SENP7: variants seen among roughly 807,000 people sequenced by gnomAD.
SENP7 encodes the protein SUMO specific peptidase 7.
In SENP7, 64 loss-of-function variants were observed where a neutral mutation model predicts 141.2. The ratio of observed to expected loss-of-function variants is 0.45; its 90% CI spans 0.37 to 0.56. SENP7 has a LOEUF of 0.56. SENP7 is among the 20% of genes least tolerant of loss of function. SENP7 has a pLI of 0.00. For missense variants in SENP7, 1,025 were observed against 1,212.2 expected (o/e 0.85, Z 2.29); for synonymous variants, 382 against 426.4 (o/e 0.90, Z 1.28).
chr3:101,427,362 C>G (rs2061996030), intron 4 of SENP7, among the ~76,000 whole-genome samples: 1 of 151,850 alleles, frequency 6.6e-6, no homozygotes, highest in African/African-American at 2.4e-5. Context: ...TGGTGGTGCA[C>G]ACCTTTAGTC....
intron 4 of SENP7, among the ~76,000 whole-genome samples, chr3:101,438,704 T>G (rs934824493): frequency 1.3e-5 from 2 of 152,200 alleles, no homozygotes; most frequent in African/African-American, 4.8e-5. Context: ...ATCAATAAAG[T>G]CGGTTTCAAC....
At chr3:101,483,220 T>TA (rs970621876) in intron 3 of SENP7, among the ~76,000 whole-genome samples, 3 of 151,800 alleles carry the variant, frequency 2.0e-5, no homozygotes, top group Admixed American at 6.6e-5. Context: ...TGGACTGGAT[T>TA]AAAAAAAAGT....
In SENP7 at chr3:101,513,158, C is replaced by T. The variant is rs1487560999; in HGVS notation, c.-28G>A. On this transcript the variant is annotated 5_prime_UTR_variant, in exon 1 of 24. Coordinates refer to ENST00000394095, the MANE Select transcript of SENP7 (RefSeq NM_020654.5). Reference sequence around the variant, plus strand: ...TCTCCCGCTGCTGAAATTTCAGTTGCAGGCGCTGTCACCTCAGGACCCCTC... The same window carrying T: ...TCTCCCGCTGCTGAAATTTCAGTTGTAGGCGCTGTCACCTCAGGACCCCTC... 1 of 1,445,214 alleles carries T rather than the reference C, an allele frequency of 6.9e-7. No homozygotes were observed. Among genetic ancestry groups the T allele is most frequent in the Non-Finnish European group, 9.2e-7 (1 of 1,082,584 alleles). The allele number at this position is 1,445,214 out of a possible 1,614,324, so 89.5% of individuals were successfully genotyped here. A position where few individuals can be genotyped will look rare whatever the true frequency, so the allele number is the denominator to read the frequency against.
intron 6 of SENP7, 95 bp downstream of exon 6, chr3:101,398,766 C>A (rs1272085923): frequency 3.2e-6 from 3 of 942,658 alleles, no homozygotes; most frequent in South Asian, 2.1e-5. Flanking sequence ...GCACATTTAC[C>A]TCACATTTAG....
intron 1 of SENP7, among the ~76,000 whole-genome samples, chr3:101,502,352 G>C (rs534176332): frequency 1.3e-5 from 2 of 152,178 alleles, no homozygotes; most frequent in African/African-American, 4.8e-5. Context: ...GCCCAGGCTG[G>C]AGTGCAATGG....
intron 1 of SENP7, among the ~76,000 whole-genome samples, chr3:101,505,506 A>C (rs2065565357): frequency 6.6e-6 from 1 of 152,052 alleles, no homozygotes; most frequent in South Asian, 2.1e-4. Flanking sequence ...GAATTCCCAA[A>C]TATTTATGTT....
chr3:101,412,090 A>C (rs2061472526), intron 5 of SENP7, among the ~76,000 whole-genome samples: 1 of 152,166 alleles, frequency 6.6e-6, no homozygotes, highest in Admixed American at 6.5e-5. Flanking sequence ...AGGAACTAGA[A>C]AGAGCTATTA....
chr3:101,481,273 G>A lies in SENP7; in HGVS notation c.186+12600C>T, dbSNP rs544417703. Among the ~76,000 whole-genome samples, 10 of 152,064 alleles carry A rather than the reference G, an allele frequency of 6.6e-5. No homozygotes were observed. The South Asian group carries it at 2.1e-3, about 32-fold the overall frequency. On this transcript the variant is annotated intron_variant, in intron 3 of 23. Coordinates refer to ENST00000394095, the MANE Select transcript of SENP7 (RefSeq NM_020654.5). ...ATGGACAAACGGATAAAGAAAATAT[G>A]GTGTATTTACACAATTAAACATAAT...
chr3:101,403,902 A>T (rs1033231615), intron 5 of SENP7, among the ~76,000 whole-genome samples: 1 of 152,190 alleles, frequency 6.6e-6, no homozygotes, highest in Non-Finnish European at 1.5e-5. Flanking sequence ...ACTATAAAAC[A>T]TTACTTTAAA....
chr3:101,485,201 T>C (rs766742707), intron 3 of SENP7, among the ~76,000 whole-genome samples: 7 of 152,120 alleles, frequency 4.6e-5, no homozygotes, highest in South Asian at 2.1e-4. Flanking sequence ...AAAGGACATA[T>C]AACCTTGGGA....
At chr3:101,457,684 C>T in intron 4 of SENP7, 3 of 1,349,388 alleles carry the variant, frequency 2.2e-6, no homozygotes, top group Non-Finnish European at 2.1e-6. Flanking sequence ...CACACTTGTG[C>T]CTGCAGTTTG....
In SENP7 at chr3:101,332,109, C is replaced by T. The variant is rs199973770; in HGVS notation, c.2574G>A (p.Ser858=). ...AAATGACTGCGAGATACCAGTGAGA[C>T]CTGTTGAAAAAGAACTACAATCTTA... ...KDYIFVPVNE[S]SHWYLAVICF... is the part of the protein sequence containing the mutation. Residue 858 remains serine, a splice_region_variant and synonymous_variant, in exon 19 of 24, where the codon TCG becomes TCA. Transcript: ENST00000394095. 24 of 1,612,672 alleles carry T rather than the reference C, an allele frequency of 1.5e-5. No homozygotes were observed. The East Asian group carries it at 4.9e-4, about 33-fold the overall frequency.
intron 5 of SENP7, among the ~76,000 whole-genome samples, chr3:101,407,263 AC>A (rs2061332439): frequency 1.3e-5 from 2 of 152,314 alleles, no homozygotes; most frequent in South Asian, 4.1e-4. Context: ...TGCACCTAAC[AC>A]TGGAGCTCCC....
At chr3:101,390,084 G>C (rs113599065) in intron 6 of SENP7, among the ~76,000 whole-genome samples, 1,697 of 152,060 alleles carry the variant, frequency 0.011, 29 homozygotes, top group African/African-American at 0.038. Context: ...GCCAGGCATG[G>C]TGGTGGGCAT....
At chr3:101,328,058 C>G (rs1337916293) in intron 22 of SENP7, among the ~76,000 whole-genome samples, 2 of 152,104 alleles carry the variant, frequency 1.3e-5, no homozygotes, top group African/African-American at 4.8e-5. Flanking sequence ...TTTCATAACT[C>G]AACAAAGTAA....
At chr3:101,425,264 G>A (rs1379160678) in intron 4 of SENP7, among the ~76,000 whole-genome samples, 1 of 152,192 alleles carries the variant, frequency 6.6e-6, no homozygotes, top group African/African-American at 2.4e-5. Flanking sequence ...CCATTGGAGA[G>A]TAGTGACCAG....
At chr3:101,499,664 T>C (rs763434979) in intron 2 of SENP7, among the ~76,000 whole-genome samples, 1 of 151,816 alleles carries the variant, frequency 6.6e-6, no homozygotes, top group Non-Finnish European at 1.5e-5. Flanking sequence ...GCCTCCCGAG[T>C]AGCTGGGACT....
intron 3 of SENP7, among the ~76,000 whole-genome samples, chr3:101,489,212 C>T (rs375384125): frequency 3.3e-5 from 5 of 152,162 alleles, no homozygotes; most frequent in African/African-American, 1.2e-4. Context: ...CACAAAAATA[C>T]ACTTAAGCAC....
intron 4 of SENP7, among the ~76,000 whole-genome samples, chr3:101,422,833 T>A (rs1189396582): frequency 6.6e-6 from 1 of 152,146 alleles, no homozygotes; most frequent in South Asian, 2.1e-4. Flanking sequence ...AAAAATAACA[T>A]GTTTGCCTAT....
Sources: gnomAD v4.1 joint callset for allele counts (sites outside exome capture counted in the v4.1 genomes callset) on GRCh38, gnomAD v4.1.1 for gene constraint, MANE v1.5 for transcripts, NCBI Gene and HGNC (gene_info 2026-07-23, HGNC 2026-07-21) for gene names.